The following USH2A variants were observed in gnomAD, a reference collection of about 807,000 sequenced individuals.
USH2A encodes Usher syndrome 2A (autosomal recessive, mild).
USH2A carries 443 observed loss-of-function variants against 538.9 expected under a neutral mutation model. That is an observed-to-expected ratio of 0.82 (90% confidence interval 0.76 to 0.89). USH2A has a LOEUF of 0.89. Among genes scored for constraint, USH2A ranks in the 40% least tolerant of loss-of-function variants. USH2A has a pLI of 0.00. For synonymous variants in USH2A, 2,413 were observed against 2,273.5 expected (o/e 1.06, Z -1.75); for missense variants, 6,633 against 6,324.8 (o/e 1.05, Z -1.65).
chr1:215,906,999 TCTGCTTGTGCC>T (rs1665656206), intron 38 of USH2A, among the ~76,000 whole-genome samples: 1 of 151,934 alleles, frequency 6.6e-6, no homozygotes, highest in Non-Finnish European at 1.5e-5. Flanking sequence ...ACCCCAGGTC[TCTGCTTGTGCC>T]TTACCAGTGA....
intron 2 of USH2A, among the ~76,000 whole-genome samples, chr1:216,419,651 G>A (rs1469271647): frequency 4.6e-5 from 7 of 152,062 alleles, no homozygotes; most frequent in Non-Finnish European, 7.4e-5. Context: ...TTTAGATCAT[G>A]AGTATTCTGA....
chr1:215,630,637 G>C lies in USH2A; in HGVS notation c.15298-1602C>G, dbSNP rs143938689. ...GGAGGCCAAGACGGGTGGATCATTT[G>C]AGGTCAGGAGTTCGAGACCAACCTG... On this transcript the variant is annotated intron_variant, in intron 70 of 71. Transcript: ENST00000307340. Among the ~76,000 whole-genome samples the C allele has an allele frequency of 6.0e-3, 903 of 150,720 alleles. 23 individuals are homozygous for C. In the South Asian group the frequency reaches 0.071, roughly 12 times the overall value.
chr1:216,339,275 C>T (rs2038030937), intron 4 of USH2A, among the ~76,000 whole-genome samples: 1 of 150,688 alleles, frequency 6.6e-6, no homozygotes, highest in Admixed American at 6.6e-5. Flanking sequence ...TATATATGTG[C>T]ATATATATAT....
chr1:215,883,629 TA>T (rs1341483140), intron 41 of USH2A, among the ~76,000 whole-genome samples: 15 of 152,106 alleles, frequency 9.9e-5, no homozygotes, highest in African/African-American at 3.6e-4. Flanking sequence ...GTCGGGCTGG[TA>T]TCATTTTTTA....
intron 32 of USH2A, among the ~76,000 whole-genome samples, chr1:216,039,308 T>C (rs2102518525): frequency 6.6e-6 from 1 of 152,140 alleles, no homozygotes; most frequent in South Asian, 2.1e-4. Flanking sequence ...CTCTACTTAT[T>C]GCATAGCTTG....
intron 4 of USH2A, among the ~76,000 whole-genome samples, chr1:216,335,675 A>G (rs1431101860): frequency 6.6e-6 from 1 of 151,672 alleles, no homozygotes; most frequent in Non-Finnish European, 1.5e-5. Context: ...CAACCTAGAT[A>G]AAATAGACAA....
intron 13 of USH2A, among the ~76,000 whole-genome samples, chr1:216,234,870 C>T (rs1196031286): frequency 2.0e-5 from 3 of 151,948 alleles, no homozygotes; most frequent in Non-Finnish European, 4.4e-5. Context: ...GAAGTACAAG[C>T]AGAGAAGAAC....
chr1:216,356,769 A>G (rs1251824221), intron 4 of USH2A, among the ~76,000 whole-genome samples: 2 of 152,094 alleles, frequency 1.3e-5, no homozygotes, highest in African/African-American at 4.8e-5. Context: ...ATCATTCTAC[A>G]ATGAACATTT....
chr1:216,262,181 T>C (rs768133836), intron 11 of USH2A, among the ~76,000 whole-genome samples: 4 of 152,016 alleles, frequency 2.6e-5, no homozygotes, highest in Non-Finnish European at 5.9e-5. Flanking sequence ...AACATGACAC[T>C]ACCAAAGGAA....
chr1:215,677,365 A>G (rs1429304104), intron 62 of USH2A, among the ~76,000 whole-genome samples: 2 of 152,140 alleles, frequency 1.3e-5, no homozygotes, highest in African/African-American at 4.8e-5. Flanking sequence ...AATGTACTCT[A>G]GTATTTTTCA....
chr1:216,389,320 T>G (rs1353897112), intron 3 of USH2A, among the ~76,000 whole-genome samples: 1 of 152,184 alleles, frequency 6.6e-6, no homozygotes, highest in African/African-American at 2.4e-5. Context: ...AACTCAGCTG[T>G]TATTTATAAT....
intron 11 of USH2A, among the ~76,000 whole-genome samples, chr1:216,263,750 A>G (rs538927202): frequency 7.2e-5 from 11 of 152,244 alleles, no homozygotes; most frequent in Admixed American, 7.2e-4. Context: ...TTCAACCTAG[A>G]ACTAGAAATT....
chr1:216,000,370 C>G, intron 33 of USH2A, 33 bp downstream of exon 33: 1 of 1,612,972 alleles, frequency 6.2e-7, no homozygotes, highest in Non-Finnish European at 8.5e-7. Flanking sequence ...CTTGCATGAA[C>G]CAGCATGTGA....
At chr1:215,925,124 C>A (rs866775027) in intron 38 of USH2A, among the ~76,000 whole-genome samples, 33 of 152,094 alleles carry the variant, frequency 2.2e-4, no homozygotes, top group South Asian at 1.0e-3. Flanking sequence ...CAAACATATA[C>A]CTCTTCATAC....
Position 216,185,164 on chromosome 1 carries a change from A to T in USH2A, c.4396+5059T>A, listed in dbSNP as rs186955125. ...ACCCAGAAGCAACTCCAAAGCCATTAATAACACTGCTTGAAGATTTTGCAA... is the reference window on the plus strand; with the variant it reads ...ACCCAGAAGCAACTCCAAAGCCATTTATAACACTGCTTGAAGATTTTGCAA... On this transcript the variant is annotated intron_variant, in intron 20 of 71. Transcript: ENST00000307340. Among the ~76,000 whole-genome samples, 217 of 152,042 alleles carry T rather than the reference A, an allele frequency of 1.4e-3. 1 individual carries two copies. Among genetic ancestry groups the T allele is most frequent in the Middle Eastern group, 6.8e-3 (2 of 294 alleles).
Position 215,998,928 on chromosome 1 carries a change from G to A in USH2A, c.6616C>T (p.Gln2206Ter), listed in dbSNP as rs769609970. The A allele has an allele frequency of 3.7e-6, 6 of 1,613,212 alleles. No individual in the cohort carries two copies. Among genetic ancestry groups the A allele is most frequent in the African/African-American group, 1.3e-5 (1 of 74,962 alleles). Residue 2206 changes from glutamine (Q) to a stop codon, truncating the protein, a stop_gained, in exon 34 of 72, where the codon CAA (glutamine) becomes TAA (stop). Transcript: ENST00000307340. LOFTEE classifies it high-confidence loss of function. ...STELFQDHML[Q>*]YVLPGNKYLI... ...TATTTATTACCAGGTAAAACGTATT[G>A]TAGCATATGATCCTGGAAAAGTTCT...
intron 62 of USH2A, among the ~76,000 whole-genome samples, chr1:215,678,928 C>T (rs895323954): frequency 6.6e-6 from 1 of 152,222 alleles, no homozygotes; most frequent in African/African-American, 2.4e-5. Flanking sequence ...TCTCATGACT[C>T]CAAATACCCA....
intron 32 of USH2A, among the ~76,000 whole-genome samples, chr1:216,022,621 G>A (rs1432158448): frequency 6.6e-6 from 1 of 152,090 alleles, no homozygotes; most frequent in Non-Finnish European, 1.5e-5. Flanking sequence ...TTAAGAAAGA[G>A]GGAGGCAAGG....
At chr1:216,372,552 A>G (rs1352321564) in intron 3 of USH2A, among the ~76,000 whole-genome samples, 2 of 152,182 alleles carry the variant, frequency 1.3e-5, no homozygotes, top group African/African-American at 4.8e-5. Flanking sequence ...TTAAAAATTT[A>G]ACATAGGAAT....
Sources: allele counts gnomAD v4.1 joint callset (sites outside exome capture counted in the v4.1 genomes callset), GRCh38; gene constraint gnomAD v4.1.1; transcripts MANE v1.5; gene names NCBI Gene and HGNC (gene_info 2026-07-23, HGNC 2026-07-21).